Variants in NSUN6 observed in about 807,000 individuals in gnomAD.
NSUN6 encodes the protein tRNA (cytosine(72)-C(5))-methyltransferase NSUN6.
A neutral mutation model predicts 58.0 loss-of-function variants in NSUN6; 64 were observed. The ratio of observed to expected loss-of-function variants is 1.10; its 90% CI spans 0.90 to 1.36. The LOEUF (loss-of-function observed/expected upper bound fraction) is 1.36, where lower values mean the gene tolerates loss of function less well. NSUN6 is among the 40% of genes most tolerant of loss of function. NSUN6 has a pLI of 0.00. For synonymous variants in NSUN6, 231 were observed against 193.9 expected (o/e 1.19, Z -1.59); for missense variants, 701 against 550.1 (o/e 1.27, Z -2.74).
At chr10:18,552,114 C>CTAATTTTGACTTATACCT (rs2054642884) in intron 8 of NSUN6, 143 bp from the exon 9 acceptor site, 3 of 582,806 alleles carry the variant, frequency 5.1e-6, no homozygotes, top group Admixed American at 6.2e-5. Context: ...GCTGGTTAAA[C>CTAATTTTGACTTATACCT]TAATTTTGAC....
chr10:18,604,366 A>G lies in NSUN6; in HGVS notation c.657+5479T>C, dbSNP rs372941426. On this transcript the variant is annotated intron_variant, in intron 6 of 10. Coordinates refer to ENST00000377304, the MANE Select transcript of NSUN6 (RefSeq NM_182543.5). ...TATCATGCAAAAAATCCAGCAGCAT[A>G]ATAGGAAGATGTAAAATGTGAAGGG... Among the ~76,000 whole-genome samples, 29 of 152,302 alleles carry G rather than the reference A, an allele frequency of 1.9e-4. No individual in the cohort carries two copies. In the East Asian group the frequency reaches 3.5e-3, roughly 18 times the overall value.
At chr10:18,646,617 G>A (rs1428095296) in intron 2 of NSUN6, among the ~76,000 whole-genome samples, 2 of 152,098 alleles carry the variant, frequency 1.3e-5, no homozygotes, top group African/African-American at 4.8e-5. Flanking sequence ...GGCCAAGGTG[G>A]GCAGATCACA....
intron 6 of NSUN6, among the ~76,000 whole-genome samples, chr10:18,598,820 A>C (rs2057696279): frequency 6.6e-6 from 1 of 152,186 alleles, no homozygotes; most frequent in Non-Finnish European, 1.5e-5. Context: ...TGAAAACACT[A>C]ATACACGTTT....
chr10:18,588,076 C>T (rs916168603), intron 7 of NSUN6, among the ~76,000 whole-genome samples: 5 of 152,130 alleles, frequency 3.3e-5, no homozygotes, highest in African/African-American at 7.2e-5. Context: ...GTGGGATGAC[C>T]GAGCTTGGTG....
chr10:18,648,268 C>G (rs959530863), intron 2 of NSUN6, among the ~76,000 whole-genome samples: 1 of 152,090 alleles, frequency 6.6e-6, no homozygotes, highest in Non-Finnish European at 1.5e-5. Context: ...GTTTAATGAG[C>G]TATTTTAGTC....
chr10:18,570,450 A>G (rs1488699595), intron 8 of NSUN6, among the ~76,000 whole-genome samples: 1 of 146,452 alleles, frequency 6.8e-6, no homozygotes, highest in African/African-American at 2.5e-5. Context: ...TCCATTCTCC[A>G]TTCCATTCCA....
rs527784443 is a variant in NSUN6, at chr10:18,626,234, TAAA to T, written c.312-9944_312-9942del. Among the ~76,000 whole-genome samples the T allele has an allele frequency of 9.1e-5, 13 of 142,582 alleles. No individual in the cohort carries two copies. In the Admixed American group the frequency reaches 9.1e-4, roughly 10 times the overall value. The allele number at this position is 142,582 out of a possible 152,430, so 93.5% of individuals were successfully genotyped here. A position where few individuals can be genotyped will look rare whatever the true frequency, so the allele number is the denominator to read the frequency against. On this transcript the variant is annotated intron_variant, in intron 3 of 10. Coordinates refer to ENST00000377304, the MANE Select transcript of NSUN6 (RefSeq NM_182543.5). ...CAATGTTACAAAGCTTGACAATGTT[TAAA>T]AAAAAAAAAACAGAAAAACTGGCCA... is the stretch of plus-strand genomic sequence containing the variant.
intron 8 of NSUN6, among the ~76,000 whole-genome samples, chr10:18,579,277 T>C (rs557950343): frequency 3.7e-4 from 57 of 152,208 alleles, no homozygotes; most frequent in African/African-American, 1.3e-3. Context: ...TTCATGCCAT[T>C]CTCCTGCCTC....
chr10:18,547,909 C>A (rs900866288), intron 10 of NSUN6, among the ~76,000 whole-genome samples: 2 of 152,156 alleles, frequency 1.3e-5, no homozygotes, highest in Non-Finnish European at 2.9e-5. Flanking sequence ...AACACAATGG[C>A]AGGAACAAAG....
intron 3 of NSUN6, among the ~76,000 whole-genome samples, chr10:18,630,760 T>G (rs2059001213): frequency 6.6e-6 from 1 of 152,148 alleles, no homozygotes; most frequent in Non-Finnish European, 1.5e-5. Flanking sequence ...GTGGCAATAA[T>G]CAATAGCTTA....
intron 7 of NSUN6, among the ~76,000 whole-genome samples, chr10:18,589,176 G>A (rs1322136718): frequency 6.6e-6 from 1 of 152,162 alleles, no homozygotes; most frequent in South Asian, 2.1e-4. Flanking sequence ...ATCAGAGACT[G>A]AAGATCACCT....
chr10:18,554,934 TG>T (rs2054874097), intron 8 of NSUN6, among the ~76,000 whole-genome samples: 1 of 143,928 alleles, frequency 6.9e-6, no homozygotes, highest in African/African-American at 2.6e-5. Flanking sequence ...GAATCAAGAA[TG>T]GAATGGAATG....
chr10:18,567,239 C>A (rs1002759104), intron 8 of NSUN6, among the ~76,000 whole-genome samples: 1 of 151,460 alleles, frequency 6.6e-6, no homozygotes, highest in Non-Finnish European at 1.5e-5. Context: ...CCATTCCATT[C>A]CATATTCTAT....
At chr10:18,628,666 T>C (rs557458071) in intron 3 of NSUN6, among the ~76,000 whole-genome samples, 2 of 152,018 alleles carry the variant, frequency 1.3e-5, no homozygotes, top group Non-Finnish European at 2.9e-5. Flanking sequence ...CGATGGAAGA[T>C]GAACTGAATG....
chr10:18,620,789 G>C (rs2058577751), intron 3 of NSUN6, among the ~76,000 whole-genome samples: 1 of 152,168 alleles, frequency 6.6e-6, no homozygotes, highest in African/African-American at 2.4e-5. Flanking sequence ...TTGTACCAAA[G>C]TCTCCTGACT....
intron 6 of NSUN6, among the ~76,000 whole-genome samples, chr10:18,600,941 A>AAATAT (rs1487679670): frequency 0.035 from 1,530 of 43,434 alleles, 72 homozygotes; most frequent in East Asian, 0.24. Context: ...AAAAAAAAAA[A>AAATAT]ATATATATAT....
intron 2 of NSUN6, among the ~76,000 whole-genome samples, chr10:18,645,001 T>C (rs1308581669): frequency 6.6e-6 from 1 of 150,846 alleles, no homozygotes; most frequent in Non-Finnish European, 1.5e-5. Context: ...CTACTAAAAA[T>C]ACAAAAATTA....
chr10:18,649,471 C>T (rs1007181829), intron 1 of NSUN6, among the ~76,000 whole-genome samples: 19 of 151,892 alleles, frequency 1.3e-4, no homozygotes, highest in African/African-American at 3.9e-4. Context: ...ACAAACAATA[C>T]AAATATTATT....
At chr10:18,561,310 GGAATGGAATGGA>G (rs1181830515) in intron 8 of NSUN6, among the ~76,000 whole-genome samples, 1 of 80,430 alleles carries the variant, frequency 1.2e-5, no homozygotes, top group Non-Finnish European at 2.6e-5. Context: ...AATGGAGAAT[GGAATGGAATGGA>G]GAATGGAATA....
Sources: allele counts gnomAD v4.1 joint callset (sites outside exome capture counted in the v4.1 genomes callset), GRCh38; gene constraint gnomAD v4.1.1; transcripts MANE v1.5; gene names NCBI Gene and HGNC (gene_info 2026-07-23, HGNC 2026-07-21).